The following TSPAN3 variants were observed in gnomAD, a reference collection of about 807,000 sequenced individuals.
TSPAN3 encodes the protein tetraspanin-3.
A neutral mutation model predicts 31.1 loss-of-function variants in TSPAN3; 9 were observed. The ratio of observed to expected loss-of-function variants is 0.29; its 90% CI spans 0.17 to 0.50. TSPAN3 has a LOEUF of 0.50. Ranked by LOEUF, TSPAN3 falls within the 20% of genes least tolerant of loss-of-function variation. TSPAN3 has a pLI of 0.98. For missense variants in TSPAN3, 252 were observed against 313.5 expected (o/e 0.80, Z 1.48); for synonymous variants, 129 against 114.3 (o/e 1.13, Z -0.82).
chr15:77,067,056 A>C (rs1001641582), intron 1 of TSPAN3, among the ~76,000 whole-genome samples: 2 of 151,936 alleles, frequency 1.3e-5, no homozygotes, highest in African/African-American at 4.8e-5. Flanking sequence ...TAATCCATTA[A>C]TCCATGAATG....
intron 1 of TSPAN3, chr15:77,069,923 A>G (rs2076856696): frequency 1.3e-5 from 2 of 152,246 alleles, no homozygotes; most frequent in Admixed American, 6.5e-5. Flanking sequence ...CAGACTGAGG[A>G]CTTCTGCTCC....
chr15:77,057,333 T>C (rs1253966453), intron 1 of TSPAN3, among the ~76,000 whole-genome samples: 1 of 152,212 alleles, frequency 6.6e-6, no homozygotes, highest in East Asian at 1.9e-4. Context: ...AAATTTAACA[T>C]ATAAATCATC....
chr15:77,056,221 T>C lies in TSPAN3; in HGVS notation c.98A>G (p.Tyr33Cys), dbSNP rs1172936391. The C allele has an allele frequency of 5.0e-6, 8 of 1,611,904 alleles. No homozygotes were observed. The highest frequency in any genetic ancestry group is 4.0e-5 in the African/African-American group (3 of 74,770). The change falls in exon 2 of 7, where the codon TAT (tyrosine) becomes TGT (cysteine). Residue 33 changes from tyrosine (Y) to cysteine (C), a missense_variant. Coordinates refer to ENST00000267970, the MANE Select transcript of TSPAN3 (RefSeq NM_005724.6). Reference protein sequence around the residue: ...AAGILCYVGAYVFITYDDYDH... With the variant: ...AAGILCYVGACVFITYDDYDH... ...ATAGTCATCATAAGTGATGAAGACA[T>C]AGGCTCCCACATAGCATAAAATGCC...
chr15:77,062,506 T>C (rs2076806651), intron 1 of TSPAN3, among the ~76,000 whole-genome samples: 1 of 152,196 alleles, frequency 6.6e-6, no homozygotes, highest in Non-Finnish European at 1.5e-5. Flanking sequence ...TATTAAATAC[T>C]ATCATTTTCT....
At position 77,045,459 on chromosome 15, in the gene TSPAN3, A is replaced by G. The variant is rs2076684882; in HGVS notation, c.*1376T>C. 6.6e-6 allele frequency: 1 copy of G among 152,226 alleles called. No homozygotes were observed. 9.4% of individuals were successfully genotyped at this position (152,226 alleles called of 1,614,324 possible). On this transcript the variant is annotated 3_prime_UTR_variant, in exon 7 of 7. Transcript: ENST00000267970. ...AGTTCACCTTCCAAATCAAACCTCC[A>G]AAGAGCTGCTTCCACCTACAAGTCA...
At chr15:77,054,332 T>C (rs2076754155) in intron 3 of TSPAN3, 53 bp from the exon 4 acceptor site, 3 of 1,209,994 alleles carry the variant, frequency 2.5e-6, no homozygotes, top group Non-Finnish European at 3.7e-6. Flanking sequence ...AAAGTAACAT[T>C]AGTCAAGGCT....
chr15:77,056,506 CAAT>C (rs1262313249), intron 1 of TSPAN3, among the ~76,000 whole-genome samples: 1 of 152,004 alleles, frequency 6.6e-6, no homozygotes, highest in Non-Finnish European at 1.5e-5. Flanking sequence ...CAAATAATAA[CAAT>C]GATGATGACA....
rs2076669887 is a variant in TSPAN3, at chr15:77,043,227, A to ACGTT, written c.*3607_*3608insAACG. Reference sequence around the variant, plus strand: ...CTCGGAGGTCTCTCCACCTTGGGGAACCTCCTCTGAGTTTCCACGTTCCTT... The same window carrying ACGTT: ...CTCGGAGGTCTCTCCACCTTGGGGAACGTTCCTCCTCTGAGTTTCCACGTTCCTT... On this transcript the variant is annotated 3_prime_UTR_variant, in exon 7 of 7. Transcript: ENST00000267970. 2 of 152,096 alleles carry ACGTT rather than the reference A, an allele frequency of 1.3e-5. No homozygotes were observed. Among genetic ancestry groups the ACGTT allele is most frequent in the Admixed American group, 6.5e-5 (1 of 15,272 alleles). 9.4% of individuals were successfully genotyped at this position (152,096 alleles called of 1,614,324 possible).
intron 1 of TSPAN3, among the ~76,000 whole-genome samples, chr15:77,061,472 G>C (rs1020370594): frequency 6.6e-6 from 1 of 152,008 alleles, no homozygotes; most frequent in African/African-American, 2.4e-5. Flanking sequence ...AGGTTGCAGT[G>C]AGCCGAGATT....
At chr15:77,055,960 G>A in intron 2 of TSPAN3, 97 bp from the exon 3 acceptor site, 1 of 1,518,374 alleles carries the variant, frequency 6.6e-7, no homozygotes, top group Non-Finnish European at 8.9e-7. Flanking sequence ...ATTGCTAGAA[G>A]TTTAAATGTT....
chr15:77,048,537 T>C (rs1223339442), intron 6 of TSPAN3, among the ~76,000 whole-genome samples: 1 of 152,240 alleles, frequency 6.6e-6, no homozygotes, highest in African/African-American at 2.4e-5. Flanking sequence ...CTACTCATGC[T>C]TGGGAATCAG....
Position 77,046,768 on chromosome 15 carries a change from C to T in TSPAN3, c.*67G>A, listed in dbSNP as rs1596155347. 14 of 1,233,778 alleles carry T rather than the reference C, an allele frequency of 1.1e-5. No homozygotes were observed. The South Asian group carries it at 1.7e-4, about 15-fold the overall frequency. The allele number at this position is 1,233,778 out of a possible 1,614,324, so 76.4% of individuals were successfully genotyped here. On this transcript the variant is annotated 3_prime_UTR_variant, in exon 7 of 7. Coordinates refer to ENST00000267970, the MANE Select transcript of TSPAN3 (RefSeq NM_005724.6). Reference sequence around the variant, plus strand: ...CTAAATGAACTCCAGAGGCCAACAGCAGCAGACCTGCTCAATTCACCTTCC... The same window carrying T: ...CTAAATGAACTCCAGAGGCCAACAGTAGCAGACCTGCTCAATTCACCTTCC...
Position 77,071,016 on chromosome 15 carries a change from C to A in TSPAN3, c.-62G>T. 1.6e-6 allele frequency: 2 copies of A among 1,251,288 alleles called. No individual in the cohort carries two copies. The allele number at this position is 1,251,288 out of a possible 1,614,324, so 77.5% of individuals were successfully genotyped here. ...GGGGCTGCGCTCACCGAGAGAGCGG[C>A]AATGGCGGCGGCGCCTCCTCGCTAG... On this transcript the variant is annotated 5_prime_UTR_variant, in exon 1 of 7. Transcript: ENST00000267970.
At chr15:77,070,279 A>C (rs1037892760) in intron 1 of TSPAN3, among the ~76,000 whole-genome samples, 14 of 152,198 alleles carry the variant, frequency 9.2e-5, no homozygotes, top group Non-Finnish European at 1.3e-4. Context: ...CAGTTTGGTC[A>C]CCCCCATGAC....
At chr15:77,059,004 T>C (rs1055085372) in intron 1 of TSPAN3, among the ~76,000 whole-genome samples, 3 of 152,188 alleles carry the variant, frequency 2.0e-5, no homozygotes, top group South Asian at 2.1e-4. Flanking sequence ...TTTTGGGGCA[T>C]GGTACTAGAG....
Position 77,046,930 on chromosome 15 carries a change from G to A in TSPAN3, c.670-3C>T, listed in dbSNP as rs1484721905. The stretch of plus-strand genomic sequence containing the variant: ...CAAGCACACAGCATGCCCAGCAGCT[G>A]TTGAAAGAAAACAACAATGGGGAAA... On this transcript the variant is annotated splice_region_variant and splice_polypyrimidine_tract_variant and intron_variant, in intron 6 of 6. Transcript: ENST00000267970. 1.3e-6 allele frequency: 2 copies of A among 1,571,642 alleles called. No homozygotes were observed. Among genetic ancestry groups the A allele is most frequent in the Non-Finnish European group, 1.7e-6 (2 of 1,155,690 alleles).
chr15:77,052,774 C>T lies in TSPAN3; in HGVS notation c.585+3G>A, dbSNP rs752292708. On this transcript the variant is annotated splice_donor_region_variant and intron_variant, in intron 5 of 6. Coordinates refer to ENST00000267970, the MANE Select transcript of TSPAN3 (RefSeq NM_005724.6). ...AGACTCAAGTCGTGGCCAAGAGACT[C>T]ACCTCAGCATAGAGGTCGGAAGGGT... is the stretch of plus-strand genomic sequence containing the variant. 6.2e-7 allele frequency: 1 copy of T among 1,612,134 alleles called. No homozygotes were observed. The highest frequency in any genetic ancestry group is 8.5e-7 in the Non-Finnish European group (1 of 1,178,364).
chr15:77,052,353 T>C (rs754953198), intron 6 of TSPAN3, 32 bp downstream of exon 6: 3 of 1,602,686 alleles, frequency 1.9e-6, no homozygotes, highest in Admixed American at 3.3e-5. Context: ...ACCAACTCAC[T>C]CCGATAGAAC....
At chr15:77,065,588 G>T (rs1054473098) in intron 1 of TSPAN3, among the ~76,000 whole-genome samples, 3 of 152,192 alleles carry the variant, frequency 2.0e-5, no homozygotes, top group Admixed American at 6.5e-5. Flanking sequence ...CACCACATCT[G>T]GCTAATTTTT....
Sources: gnomAD v4.1 joint callset for allele counts (sites outside exome capture counted in the v4.1 genomes callset) on GRCh38, gnomAD v4.1.1 for gene constraint, MANE v1.5 for transcripts, NCBI Gene and HGNC (gene_info 2026-07-23, HGNC 2026-07-21) for gene names.